Variants in FHAD1 observed in about 807,000 individuals in gnomAD.
FHAD1 encodes forkhead-associated domain-containing protein 1.
Under a neutral mutation model 191.3 loss-of-function variants are expected in FHAD1, and 146 were observed. The ratio of observed to expected loss-of-function variants is 0.76; its 90% CI spans 0.67 to 0.88. The LOEUF (loss-of-function observed/expected upper bound fraction) is 0.88, where lower values mean the gene tolerates loss of function less well. FHAD1 is among the 40% of genes least tolerant of loss of function. The pLI, the probability that FHAD1 is intolerant of heterozygous loss-of-function variation, is 0.00. For synonymous variants in FHAD1, 616 were observed against 672.3 expected (o/e 0.92, Z 1.29); for missense variants, 1,635 against 1,785.8 (o/e 0.92, Z 1.52).
At chr1:15,267,470 A>G (rs10927754) in intron 2 of FHAD1, among the ~76,000 whole-genome samples, 48,045 of 152,010 alleles carry the variant, frequency 0.32, 8,247 homozygotes, top group East Asian at 0.55. Flanking sequence ...GCCTCACAGA[A>G]TAAGTTAGGA....
chr1:15,243,004 G>C (rs1204489496), upstream of FHAD1, among the ~76,000 whole-genome samples: 1 of 152,180 alleles, frequency 6.6e-6, no homozygotes, highest in Admixed American at 6.5e-5. Flanking sequence ...GACAGGTGGG[G>C]CCAGCACACT....
chr1:15,292,235 C>T (rs187520755), intron 4 of FHAD1, among the ~76,000 whole-genome samples: 66 of 152,318 alleles, frequency 4.3e-4, no homozygotes, highest in African/African-American at 1.6e-3. Flanking sequence ...AAAACCTCTG[C>T]CTCCCAGGTT....
chr1:15,396,460 C>CTG (rs542547825), intron 33 of FHAD1, among the ~76,000 whole-genome samples: 1 of 152,098 alleles, frequency 6.6e-6, no homozygotes, highest in African/African-American at 2.4e-5. Context: ...GTGCTCATAT[C>CTG]TGTGTGTGTA....
intron 33 of FHAD1, among the ~76,000 whole-genome samples, chr1:15,396,010 C>T (rs1336057209): frequency 6.6e-6 from 1 of 152,036 alleles, no homozygotes. Context: ...TGGTTTCAAA[C>T]TAAAAAATAT....
chr1:15,305,330 G>A (rs912537010), intron 6 of FHAD1, among the ~76,000 whole-genome samples: 3 of 152,134 alleles, frequency 2.0e-5, no homozygotes, highest in Admixed American at 6.5e-5. Context: ...ACACAGAGAC[G>A]GATTTTGCAG....
chr1:15,295,191 T>C (rs920920186), intron 4 of FHAD1, among the ~76,000 whole-genome samples: 12 of 152,198 alleles, frequency 7.9e-5, no homozygotes, highest in Admixed American at 2.0e-4. Flanking sequence ...TGTGGGACCT[T>C]CAGCAAGTAC....
At chr1:15,342,030 G>T in intron 16 of FHAD1, 142 bp downstream of exon 16, 1 of 639,810 alleles carries the variant, frequency 1.6e-6, no homozygotes, top group Non-Finnish European at 2.5e-6. Context: ...TAAACAGGGT[G>T]AATAATTGGG....
intron 19 of FHAD1, among the ~76,000 whole-genome samples, chr1:15,349,465 G>A (rs1690070107): frequency 6.6e-6 from 1 of 152,222 alleles, no homozygotes; most frequent in Non-Finnish European, 1.5e-5. Context: ...CAGCTACCTA[G>A]GAAAGAGGGA....
intron 4 of FHAD1, among the ~76,000 whole-genome samples, chr1:15,293,925 T>C (rs922149185): frequency 6.6e-6 from 1 of 152,166 alleles, no homozygotes; most frequent in African/African-American, 2.4e-5. Flanking sequence ...GAGTGAGCCA[T>C]GAACGGTCCT....
rs1693491854 is a variant in FHAD1 at position 15,358,154 on chromosome 1, AT to A, written c.2609del (p.Leu870Ter). 6.6e-7 allele frequency: 1 copy of A among 1,519,444 alleles called. No individual in the cohort carries two copies. The highest frequency in any genetic ancestry group is 1.3e-5 in the South Asian group (1 of 77,432). 94.1% of individuals were successfully genotyped at this position (1,519,444 alleles called of 1,614,324 possible). ...AAAAAGAGGACGTTTTAAATAATAA[AT>A]TAAGTGACGCACTGGCCATGGTTGA... ...EQKEDVLNNK[L>X]SDALAMVEET... On this transcript the variant is annotated frameshift_variant, in exon 21 of 34. Coordinates refer to ENST00000688493, the MANE Select transcript of FHAD1 (RefSeq NM_001391957.1). LOFTEE classifies it high-confidence loss of function.
At chr1:15,341,282 C>A (rs77283727) in intron 15 of FHAD1, among the ~76,000 whole-genome samples, 1,663 of 152,310 alleles carry the variant, frequency 0.011, 14 homozygotes, top group Middle Eastern at 0.017. Flanking sequence ...CTGGTCTAGT[C>A]CCTTCTCCTT....
chr1:15,350,256 G>A (rs902272970), intron 19 of FHAD1, among the ~76,000 whole-genome samples: 5 of 152,374 alleles, frequency 3.3e-5, no homozygotes, highest in Middle Eastern at 3.4e-3. Context: ...CCATCCTAGC[G>A]CAGGGGAGAC....
At chr1:15,269,550 T>C (rs1039090498) in intron 2 of FHAD1, among the ~76,000 whole-genome samples, 4 of 152,246 alleles carry the variant, frequency 2.6e-5, no homozygotes, top group Admixed American at 2.6e-4. Flanking sequence ...TTCCTTTAAA[T>C]TCATTGAGGT....
intron 3 of FHAD1, among the ~76,000 whole-genome samples, chr1:15,282,901 G>C (rs778928001): frequency 2.0e-5 from 3 of 152,224 alleles, no homozygotes; most frequent in Non-Finnish European, 4.4e-5. Context: ...GCCAGGGAGG[G>C]TTCTTGGCTT....
chr1:15,264,162 G>C (rs1652400486), intron 2 of FHAD1, among the ~76,000 whole-genome samples: 1 of 151,894 alleles, frequency 6.6e-6, no homozygotes, highest in Non-Finnish European at 1.5e-5. Context: ...TCTATTTCTG[G>C]GAAAAAAGAA....
At chr1:15,339,971 G>C (rs752400041) in intron 15 of FHAD1, among the ~76,000 whole-genome samples, 1 of 152,104 alleles carries the variant, frequency 6.6e-6, no homozygotes, top group African/African-American at 2.4e-5. Flanking sequence ...GATTACAGGC[G>C]CCTGCCACCA....
chr1:15,402,755 C>T (rs1215661943), downstream of FHAD1, among the ~76,000 whole-genome samples: 1 of 152,140 alleles, frequency 6.6e-6, no homozygotes, highest in Admixed American at 6.5e-5. Context: ...AGTGTTGGAG[C>T]CCAGACTTTA....
At chr1:15,373,566 C>T (rs1049003098) in intron 26 of FHAD1, among the ~76,000 whole-genome samples, 1 of 151,244 alleles carries the variant, frequency 6.6e-6, no homozygotes, top group Non-Finnish European at 1.5e-5. Flanking sequence ...GTAAACCCAA[C>T]TCTAGGCTGG....
At chr1:15,267,688 T>C (rs1487199040) in intron 2 of FHAD1, among the ~76,000 whole-genome samples, 2 of 151,388 alleles carry the variant, frequency 1.3e-5, no homozygotes, top group African/African-American at 4.8e-5. Context: ...AAATTGTGTC[T>C]TTCAAGAAAT....
Sources: gnomAD v4.1 joint callset for allele counts (sites outside exome capture counted in the v4.1 genomes callset) on GRCh38, gnomAD v4.1.1 for gene constraint, MANE v1.5 for transcripts, NCBI Gene and HGNC (gene_info 2026-07-23, HGNC 2026-07-21) for gene names.